Variants in CARMIL1 observed in about 807,000 individuals in gnomAD.
The protein encoded by CARMIL1 is capping protein regulator and myosin 1 linker 1, also known as F-actin-uncapping protein LRRC16A.
Under a neutral mutation model 177.1 loss-of-function variants are expected in CARMIL1, and 90 were observed. That is an observed-to-expected ratio of 0.51 (90% confidence interval 0.43 to 0.61). The LOEUF (loss-of-function observed/expected upper bound fraction) is 0.61, where lower values mean the gene tolerates loss of function less well. Ranked by LOEUF, CARMIL1 falls within the 20% of genes least tolerant of loss-of-function variation. CARMIL1 has a pLI of 0.00. For synonymous variants in CARMIL1, 577 were observed against 606.2 expected, an observed-to-expected ratio of 0.95 and a Z score of 0.71; for missense variants, 1,380 against 1,667.0, an observed-to-expected ratio of 0.83 and a Z score of 3.00.
chr6:25,363,444 A>G (rs942381616), intron 2 of CARMIL1, among the ~76,000 whole-genome samples: 5 of 152,102 alleles, frequency 3.3e-5, no homozygotes, highest in African/African-American at 1.2e-4. Flanking sequence ...TTTGGTGTAT[A>G]CATGTTTATT....
chr6:25,375,184 G>C (rs1188502051), intron 2 of CARMIL1, among the ~76,000 whole-genome samples: 3 of 152,128 alleles, frequency 2.0e-5, no homozygotes, highest in Non-Finnish European at 2.9e-5. Flanking sequence ...TGTAGGGTTG[G>C]TCTGGTAGTG....
At chr6:25,408,974 C>T (rs1171995986) in intron 2 of CARMIL1, among the ~76,000 whole-genome samples, 1 of 152,098 alleles carries the variant, frequency 6.6e-6, no homozygotes, top group African/African-American at 2.4e-5. Flanking sequence ...CTATTTCATA[C>T]TGATTCTACA....
chr6:25,617,813 G>C (rs1186127523), intron 36 of CARMIL1, among the ~76,000 whole-genome samples: 1 of 152,056 alleles, frequency 6.6e-6, no homozygotes, highest in Non-Finnish European at 1.5e-5. Context: ...GTTGTGAAAG[G>C]ACCAAACAAG....
chr6:25,503,316 T>C (rs1804592178), intron 17 of CARMIL1, among the ~76,000 whole-genome samples: 1 of 152,230 alleles, frequency 6.6e-6, no homozygotes, highest in South Asian at 2.1e-4. Flanking sequence ...TCACATGTTA[T>C]GTTGATGCAT....
At chr6:25,307,273 G>A (rs1405401831) in intron 2 of CARMIL1, among the ~76,000 whole-genome samples, 1 of 152,196 alleles carries the variant, frequency 6.6e-6, no homozygotes, top group East Asian at 1.9e-4. Context: ...AATTAGAAAA[G>A]TGAACAGACT....
intron 2 of CARMIL1, among the ~76,000 whole-genome samples, chr6:25,300,074 G>C (rs551510945): frequency 1.6e-4 from 24 of 152,082 alleles, no homozygotes; most frequent in African/African-American, 5.1e-4. Flanking sequence ...AGATCAGTGG[G>C]TTTCAAATGT....
intron 29 of CARMIL1, among the ~76,000 whole-genome samples, chr6:25,557,764 C>T (rs1003703980): frequency 3.3e-5 from 5 of 151,928 alleles, no homozygotes; most frequent in African/African-American, 7.3e-5. Context: ...CTGATATGGC[C>T]GATATTACTT....
intron 8 of CARMIL1, among the ~76,000 whole-genome samples, chr6:25,459,269 T>TCTTTCTTTCTTTCTTTCTCTTTCTTTC (rs56094712): frequency 2.5e-5 from 3 of 118,170 alleles, no homozygotes; most frequent in African/African-American, 6.4e-5. Flanking sequence ...TTTCTTTCTT[T>TCTTTCTTTCTTTCTTTCTCTTTCTTTC]TTTTTTTTTT....
chr6:25,456,446 G>A (rs914520330), intron 8 of CARMIL1, among the ~76,000 whole-genome samples: 1 of 152,040 alleles, frequency 6.6e-6, no homozygotes, highest in Non-Finnish European at 1.5e-5. Flanking sequence ...GAAGTACTTG[G>A]AAAAATGCCC....
At chr6:25,448,916 C>CTTTTTT in intron 5 of CARMIL1, among the ~76,000 whole-genome samples, 1 of 126,456 alleles carries the variant, frequency 7.9e-6, no homozygotes, top group Admixed American at 8.1e-5. Flanking sequence ...AGGGATTCTT[C>CTTTTTT]TTTTTTTTTT....
intron 2 of CARMIL1, among the ~76,000 whole-genome samples, chr6:25,349,333 A>C (rs1029483936): frequency 3.9e-5 from 6 of 152,138 alleles, no homozygotes; most frequent in African/African-American, 1.4e-4. Context: ...CAAACTCTAC[A>C]CCAGACAGTG....
chr6:25,438,192 C>G lies in CARMIL1; in HGVS notation c.371+2588C>G, dbSNP rs137994541. ...GTAAAGAGAGTCTTTATTCATGTTT[C>G]CAAAGAACTTTGGATCACTTCCTGC... On this transcript the variant is annotated intron_variant, in intron 5 of 36. Coordinates refer to ENST00000329474, the MANE Select transcript of CARMIL1 (RefSeq NM_017640.6). 1.1e-4 allele frequency among the ~76,000 whole-genome samples: 16 copies of G among 152,254 alleles called. No individual in the cohort carries two copies. The East Asian group carries it at 3.1e-3, about 29-fold the overall frequency.
At chr6:25,317,845 G>A (rs1289140543) in intron 2 of CARMIL1, among the ~76,000 whole-genome samples, 2 of 151,996 alleles carry the variant, frequency 1.3e-5, no homozygotes, top group African/African-American at 2.4e-5. Context: ...GATTACAGAC[G>A]TGAGCCACTG....
At chr6:25,612,025 G>T (rs1816546754) in intron 36 of CARMIL1, among the ~76,000 whole-genome samples, 1 of 152,204 alleles carries the variant, frequency 6.6e-6, no homozygotes, top group Admixed American at 6.5e-5. Flanking sequence ...CTTAGGAATG[G>T]CTCACGCTCC....
chr6:25,604,915 A>AC, intron 34 of CARMIL1, 22 bp downstream of exon 34: 2 of 1,563,766 alleles, frequency 1.3e-6, no homozygotes, highest in Non-Finnish European at 8.7e-7. Flanking sequence ...CATTGCCATC[A>AC]CCCCCTTAGG....
At chr6:25,560,483 A>G (rs1811010570) in intron 29 of CARMIL1, among the ~76,000 whole-genome samples, 1 of 152,248 alleles carries the variant, frequency 6.6e-6, no homozygotes, top group African/African-American at 2.4e-5. Context: ...CTTAACACTT[A>G]TGTAGTACCT....
At chr6:25,301,143 C>T (rs894683581) in intron 2 of CARMIL1, among the ~76,000 whole-genome samples, 6 of 152,224 alleles carry the variant, frequency 3.9e-5, no homozygotes, top group Admixed American at 1.3e-4. Flanking sequence ...AGGTACGCAT[C>T]GATAGGCTAA....
intron 1 of CARMIL1, among the ~76,000 whole-genome samples, chr6:25,281,164 A>ACACACACACG (rs1375901640): frequency 7.3e-5 from 11 of 150,668 alleles, no homozygotes; most frequent in African/African-American, 2.7e-4. Flanking sequence ...ACACACACAC[A>ACACACACACG]CACACGCACC....
chr6:25,359,386 G>A (rs371328287), intron 2 of CARMIL1, among the ~76,000 whole-genome samples: 7 of 152,188 alleles, frequency 4.6e-5, no homozygotes, highest in African/African-American at 9.7e-5. Context: ...ACTGAGGCTC[G>A]TTCTGCCTGT....
Sources: allele counts gnomAD v4.1 joint callset (sites outside exome capture counted in the v4.1 genomes callset), GRCh38; gene constraint gnomAD v4.1.1; transcripts MANE v1.5; gene names NCBI Gene and HGNC (gene_info 2026-07-23, HGNC 2026-07-21).